Variants in UBE3D observed in about 807,000 individuals in gnomAD.
UBE3D encodes E3 ubiquitin-protein ligase E3D.
In UBE3D, 48 loss-of-function variants were observed where a neutral mutation model predicts 49.6. That is an observed-to-expected ratio of 0.97 (90% CI 0.77 to 1.23). The LOEUF (loss-of-function observed/expected upper bound fraction) is 1.23, where lower values mean the gene tolerates loss of function less well. UBE3D is among the 50% of genes most tolerant of loss of function. UBE3D has a pLI of 0.00. For missense variants in UBE3D, 452 were observed against 468.4 expected, an observed-to-expected ratio of 0.96 and a Z score of 0.32; for synonymous variants, 189 against 174.2, an observed-to-expected ratio of 1.08 and a Z score of -0.67.
At chr6:82,908,398 A>G (rs1721343516) in intron 9 of UBE3D, among the ~76,000 whole-genome samples, 1 of 152,154 alleles carries the variant, frequency 6.6e-6, no homozygotes, top group East Asian at 1.9e-4. Context: ...AGCTCTCTAC[A>G]ATAAAAAAAA....
chr6:82,955,134 T>C (rs1171594640), intron 9 of UBE3D, among the ~76,000 whole-genome samples: 2 of 151,940 alleles, frequency 1.3e-5, no homozygotes, highest in East Asian at 1.9e-4. Context: ...CCAGGCTTCA[T>C]GCACCTGTGT....
chr6:83,041,431 T>C (rs1369992952), intron 4 of UBE3D, among the ~76,000 whole-genome samples: 1 of 152,236 alleles, frequency 6.6e-6, no homozygotes, highest in Admixed American at 6.5e-5. Flanking sequence ...TTAAGACAAT[T>C]GATAAAATCT....
At chr6:82,986,950 T>C (rs959954414) in intron 8 of UBE3D, among the ~76,000 whole-genome samples, 2 of 151,798 alleles carry the variant, frequency 1.3e-5, no homozygotes, top group Non-Finnish European at 2.9e-5. Flanking sequence ...CCTTCCTCTC[T>C]TCCTTCCTTC....
chr6:82,961,991 CGTGT>C lies in UBE3D; in HGVS notation c.1011-4545_1011-4542del, dbSNP rs56273130. The stretch of plus-strand genomic sequence containing the variant: ...AAAAGATGCTAATTTATTTTTTATA[CGTGT>C]GTGTGTGTGTGTGTGTCTGTATTAC... On this transcript the variant is annotated intron_variant, in intron 8 of 9. Transcript: ENST00000369747. 1.9e-3 allele frequency among the ~76,000 whole-genome samples: 282 copies of C among 147,776 alleles called. 1 individual carries two copies. The highest frequency in any genetic ancestry group is 6.8e-3 in the African/African-American group (273 of 40,352).
intron 8 of UBE3D, among the ~76,000 whole-genome samples, chr6:82,977,007 G>A (rs1189482584): frequency 1.3e-5 from 2 of 151,238 alleles, no homozygotes; most frequent in Admixed American, 6.6e-5. Flanking sequence ...CCAGCTACTC[G>A]GGAGGCTGAG....
At chr6:83,036,869 G>A (rs542521318) in intron 5 of UBE3D, 11 of 152,304 alleles carry the variant, frequency 7.2e-5, no homozygotes, top group African/African-American at 2.7e-4. Context: ...AAGTAGCTGG[G>A]ACTATAGGCA....
intron 3 of UBE3D, among the ~76,000 whole-genome samples, chr6:83,047,608 G>T (rs991367475): frequency 2.6e-5 from 4 of 152,030 alleles, no homozygotes; most frequent in Admixed American, 6.5e-5. Context: ...TGCCCTGCTG[G>T]CAAGCTGGCA....
At chr6:83,062,756 G>A (rs568498758) in intron 1 of UBE3D, among the ~76,000 whole-genome samples, 28 of 152,254 alleles carry the variant, frequency 1.8e-4, no homozygotes, top group African/African-American at 5.5e-4. Context: ...GGTTAAAAAG[G>A]TAGAAAGGAC....
intron 5 of UBE3D, chr6:83,036,957 A>G (rs1366147091): frequency 6.6e-6 from 1 of 152,126 alleles, no homozygotes; most frequent in Non-Finnish European, 1.5e-5. Context: ...GTCCCCAAAG[A>G]ATCAGTGTCT....
At chr6:82,999,696 T>A (rs140841201) in intron 8 of UBE3D, among the ~76,000 whole-genome samples, 23 of 152,230 alleles carry the variant, frequency 1.5e-4, no homozygotes, top group African/African-American at 5.5e-4. Context: ...CCTGTTGGCT[T>A]TTAAATGGAC....
intron 3 of UBE3D, among the ~76,000 whole-genome samples, chr6:83,053,665 T>C (rs1381954949): frequency 6.6e-6 from 1 of 152,200 alleles, no homozygotes; most frequent in Non-Finnish European, 1.5e-5. Flanking sequence ...AACCTAATCA[T>C]TGACAAAAGG....
intron 9 of UBE3D, among the ~76,000 whole-genome samples, chr6:82,896,872 G>T (rs1471779656): frequency 2.6e-5 from 4 of 151,920 alleles, no homozygotes. Context: ...CTACTGAGTA[G>T]CTGGGATTAC....
At chr6:82,887,963 G>A (rs1171608904), downstream of UBE3D, among the ~76,000 whole-genome samples, 1 of 152,126 alleles carries the variant, frequency 6.6e-6, no homozygotes, top group East Asian at 1.9e-4. Context: ...CTAGGAAGAG[G>A]GGAAGAGGGT....
At chr6:82,941,292 AT>A (rs139951412) in intron 9 of UBE3D, among the ~76,000 whole-genome samples, 24,236 of 151,560 alleles carry the variant, frequency 0.16, 1,985 homozygotes, top group South Asian at 0.17. Flanking sequence ...GAATTTTCCA[AT>A]TTTTTTTATG....
chr6:82,931,161 GCC>G (rs1774119450), intron 9 of UBE3D, among the ~76,000 whole-genome samples: 2 of 152,210 alleles, frequency 1.3e-5, no homozygotes, highest in Non-Finnish European at 2.9e-5. Flanking sequence ...ATGGTGTTAG[GCC>G]TGTGGGTACA....
At position 83,057,711 on chromosome 6, in the gene UBE3D, C is replaced by T. The variant is rs1257416699; in HGVS notation, c.274+115G>A. On this transcript the variant is annotated intron_variant, in intron 2 of 9. Transcript: ENST00000369747. ...CAATAACTGGCAGAGCTGACAAAGA[C>T]CCTAGAGCTTCTCAACCCCTTCACC... 4.0e-6 allele frequency: 4 copies of T among 1,002,890 alleles called. No individual in the cohort carries two copies. The African/African-American group carries it at 4.8e-5, about 12-fold the overall frequency. The allele number at this position is 1,002,890 out of a possible 1,614,324, so 62.1% of individuals were successfully genotyped here.
At chr6:83,019,564 AG>A (rs1296620500) in intron 7 of UBE3D, among the ~76,000 whole-genome samples, 17 of 152,350 alleles carry the variant, frequency 1.1e-4, no homozygotes, top group African/African-American at 3.8e-4. Flanking sequence ...CAAATATAAA[AG>A]TACTGATAAC....
chr6:82,977,886 T>C (rs1777838743), intron 8 of UBE3D, among the ~76,000 whole-genome samples: 1 of 152,064 alleles, frequency 6.6e-6, no homozygotes, highest in Non-Finnish European at 1.5e-5. Context: ...TGTCTAAAAA[T>C]AGATTTACTA....
chr6:83,060,318 C>G (rs952213864), intron 1 of UBE3D, among the ~76,000 whole-genome samples: 1 of 152,120 alleles, frequency 6.6e-6, no homozygotes, highest in Non-Finnish European at 1.5e-5. Flanking sequence ...CAATGAGGGC[C>G]ATGATTCTCA....
Sources: allele counts gnomAD v4.1 joint callset (sites outside exome capture counted in the v4.1 genomes callset), GRCh38; gene constraint gnomAD v4.1.1; transcripts MANE v1.5; gene names NCBI Gene and HGNC (gene_info 2026-07-23, HGNC 2026-07-21).